Variants in PTBP2 observed in about 807,000 individuals in gnomAD.
PTBP2 encodes the protein polypyrimidine tract-binding protein 2.
PTBP2 carries 13 observed loss-of-function variants against 61.4 expected under a neutral mutation model. The observed-to-expected ratio is 0.21, with a 90% CI of 0.14 to 0.34. The LOEUF (loss-of-function observed/expected upper bound fraction) is 0.34, where lower values mean the gene tolerates loss of function less well. Among genes scored for constraint, PTBP2 ranks in the 10% least tolerant of loss-of-function variants. The probability of loss-of-function intolerance (pLI) is 1.00; values close to 1 mark genes in which losing one functional copy is unlikely to be tolerated. For synonymous variants in PTBP2, 215 were observed against 218.5 expected, an observed-to-expected ratio of 0.98 and a Z score of 0.14; for missense variants, 405 against 642.6, an observed-to-expected ratio of 0.63 and a Z score of 4.00.
At chr1:96,819,416 A>G (rs948865699), downstream of PTBP2, 1 of 151,858 alleles carries the variant, frequency 6.6e-6, no homozygotes, top group Non-Finnish European at 1.5e-5. Context: ...ATGTCTTACT[A>G]TTTCCTGCTT....
chr1:96,763,811 A>AT (rs536446598), intron 3 of PTBP2, among the ~76,000 whole-genome samples: 2 of 151,876 alleles, frequency 1.3e-5, no homozygotes, highest in Admixed American at 6.6e-5. Flanking sequence ...AGATTTTTCT[A>AT]TTTTTTTTCT....
chr1:96,766,814 T>C (rs1240662102), intron 3 of PTBP2, among the ~76,000 whole-genome samples: 1 of 152,142 alleles, frequency 6.6e-6, no homozygotes, highest in Non-Finnish European at 1.5e-5. Flanking sequence ...AGGACAGATC[T>C]TTTTTAGGCA....
At chr1:96,758,598 T>G (rs1655427670) in intron 3 of PTBP2, among the ~76,000 whole-genome samples, 1 of 152,094 alleles carries the variant, frequency 6.6e-6, no homozygotes, top group Admixed American at 6.5e-5. Context: ...GAACTCAGTG[T>G]AATTTGTCAC....
At chr1:96,737,430 G>GA (rs1237829194) in intron 2 of PTBP2, among the ~76,000 whole-genome samples, 1 of 152,054 alleles carries the variant, frequency 6.6e-6, no homozygotes, top group East Asian at 1.9e-4. Flanking sequence ...AATAATTGGG[G>GA]AGGGGGGTTG....
chr1:96,793,090 T>C (rs956329794), intron 8 of PTBP2, among the ~76,000 whole-genome samples: 3 of 152,220 alleles, frequency 2.0e-5, no homozygotes, highest in African/African-American at 7.2e-5. Flanking sequence ...AAATACTTGG[T>C]TAGAGGTCAC....
At chr1:96,725,390 T>C (rs1370211625) in intron 2 of PTBP2, among the ~76,000 whole-genome samples, 1 of 151,402 alleles carries the variant, frequency 6.6e-6, no homozygotes, top group Non-Finnish European at 1.5e-5. Flanking sequence ...AGCTCCGCCT[T>C]CCGGGTTCAC....
chr1:96,790,328 A>G (rs892871591), intron 8 of PTBP2, among the ~76,000 whole-genome samples: 3 of 151,880 alleles, frequency 2.0e-5, no homozygotes, highest in African/African-American at 7.3e-5. Context: ...GAGACATCTA[A>G]TATCTGGTTG....
At chr1:96,728,015 G>T (rs1247380281) in intron 2 of PTBP2, among the ~76,000 whole-genome samples, 2 of 151,868 alleles carry the variant, frequency 1.3e-5, no homozygotes, top group Non-Finnish European at 2.9e-5. Flanking sequence ...TTAGAGACAG[G>T]ACCTGACTCT....
chr1:96,761,177 G>A (rs953136711), intron 3 of PTBP2, among the ~76,000 whole-genome samples: 1 of 152,144 alleles, frequency 6.6e-6, no homozygotes, highest in East Asian at 1.9e-4. Context: ...TGATGGAAAC[G>A]TCCTATGTTA....
chr1:96,781,805 G>T (rs1658702734), intron 7 of PTBP2, among the ~76,000 whole-genome samples: 1 of 151,964 alleles, frequency 6.6e-6, no homozygotes, highest in Non-Finnish European at 1.5e-5. Context: ...AAAATCAGAA[G>T]TCATAGTAAC....
chr1:96,807,738 C>T (rs967323088), intron 11 of PTBP2, among the ~76,000 whole-genome samples: 1 of 152,170 alleles, frequency 6.6e-6, no homozygotes, highest in Non-Finnish European at 1.5e-5. Flanking sequence ...TGGCCTTTGA[C>T]ATCACATAGA....
intron 7 of PTBP2, among the ~76,000 whole-genome samples, chr1:96,778,318 A>G (rs1658268913): frequency 6.6e-6 from 1 of 152,010 alleles, no homozygotes; most frequent in Non-Finnish European, 1.5e-5. Context: ...TGGCTGAAAT[A>G]TACAGATGTG....
At chr1:96,742,948 CTTTT>C (rs1653238713) in intron 2 of PTBP2, among the ~76,000 whole-genome samples, 1 of 151,884 alleles carries the variant, frequency 6.6e-6, no homozygotes, top group East Asian at 1.9e-4. Context: ...TTTTTCTTGC[CTTTT>C]CTTTTTTGTT....
chr1:96,762,185 C>T (rs1655975254), intron 3 of PTBP2, among the ~76,000 whole-genome samples: 1 of 150,836 alleles, frequency 6.6e-6, no homozygotes, highest in Non-Finnish European at 1.5e-5. Context: ...CACCTTTCCC[C>T]CCTTTCTATT....
At chr1:96,722,441 A>C (rs1340030140) in intron 1 of PTBP2, among the ~76,000 whole-genome samples, 4 of 67,160 alleles carry the variant, frequency 6.0e-5, no homozygotes, top group Admixed American at 1.7e-4. Flanking sequence ...CCGCTGGGGA[A>C]GGGGGGAGGG....
At chr1:96,801,842 C>CTCCATCTCA (rs1661023951) in intron 8 of PTBP2, among the ~76,000 whole-genome samples, 1 of 117,762 alleles carries the variant, frequency 8.5e-6, no homozygotes, top group African/African-American at 3.3e-5. Context: ...GCCTGGGGGA[C>CTCCATCTCA]AAGAGCAAGA....
At chr1:96,725,607 G>A (rs570328233) in intron 2 of PTBP2, among the ~76,000 whole-genome samples, 1 of 152,048 alleles carries the variant, frequency 6.6e-6, no homozygotes, top group South Asian at 2.1e-4. Context: ...ATTGCAAATC[G>A]TTTTTAAAAA....
intron 3 of PTBP2, among the ~76,000 whole-genome samples, chr1:96,768,086 A>G (rs1219232331): frequency 6.6e-6 from 1 of 152,084 alleles, no homozygotes; most frequent in African/African-American, 2.4e-5. Flanking sequence ...ATCATCCAAT[A>G]AAGTCATTAC....
intron 2 of PTBP2, among the ~76,000 whole-genome samples, chr1:96,739,927 C>T (rs938166362): frequency 6.6e-6 from 1 of 151,980 alleles, no homozygotes; most frequent in African/African-American, 2.4e-5. Flanking sequence ...CCTGGCCAAT[C>T]TGAAACTTTT....
Sources: gnomAD v4.1 joint callset for allele counts (sites outside exome capture counted in the v4.1 genomes callset) on GRCh38, gnomAD v4.1.1 for gene constraint, MANE v1.5 for transcripts, NCBI Gene and HGNC (gene_info 2026-07-23, HGNC 2026-07-21) for gene names.